Variants in LAMA3 observed in about 807,000 individuals in gnomAD.
LAMA3 encodes the protein laminin subunit alpha 3, also known as laminin subunit alpha-3.
In LAMA3, 281 loss-of-function variants were observed where a neutral mutation model predicts 402.0. The ratio of observed to expected loss-of-function variants is 0.70; its 90% CI spans 0.63 to 0.77. The LOEUF (loss-of-function observed/expected upper bound fraction) is 0.77, where lower values mean the gene tolerates loss of function less well. LAMA3 is among the 30% of genes least tolerant of loss of function. LAMA3 has a pLI of 0.00. For synonymous variants in LAMA3, 1,431 were observed against 1,558.4 expected, an observed-to-expected ratio of 0.92 and a Z score of 1.93; for missense variants, 3,840 against 4,215.5, an observed-to-expected ratio of 0.91 and a Z score of 2.47.
At chr18:23,876,265 A>G (rs759524346) in intron 38 of LAMA3, 29 bp from the exon 39 acceptor site, 2 of 1,420,930 alleles carry the variant, frequency 1.4e-6, no homozygotes, top group Non-Finnish European at 2.0e-6. Context: ...CTTTCTTTGT[A>G]TTGATTAAAC....
At chr18:23,819,585 C>A (rs1391127807) in intron 18 of LAMA3, among the ~76,000 whole-genome samples, 4 of 152,134 alleles carry the variant, frequency 2.6e-5, no homozygotes, top group Admixed American at 2.0e-4. Flanking sequence ...AGGATGCTAC[C>A]ACTATGGCTT....
intron 56 of LAMA3, among the ~76,000 whole-genome samples, chr18:23,913,127 G>T (rs999026303): frequency 2.6e-5 from 4 of 152,206 alleles, no homozygotes; most frequent in Non-Finnish European, 5.9e-5. Context: ...GGCCCAGCAC[G>T]TGGGCATGTG....
chr18:23,863,381 G>T (rs1234826208), intron 35 of LAMA3, among the ~76,000 whole-genome samples: 1 of 152,190 alleles, frequency 6.6e-6, no homozygotes, highest in Admixed American at 6.5e-5. Context: ...GGAGGCGGAG[G>T]TTGCAATGAA....
chr18:23,818,655 C>A (rs776287984), intron 18 of LAMA3, among the ~76,000 whole-genome samples: 12 of 152,164 alleles, frequency 7.9e-5, no homozygotes, highest in Non-Finnish European at 1.8e-4. Context: ...TTAATAAATT[C>A]ATCAAAGTAA....
chr18:23,947,973 G>A (rs1045505363), intron 70 of LAMA3, among the ~76,000 whole-genome samples: 16 of 152,002 alleles, frequency 1.1e-4, no homozygotes, highest in Admixed American at 1.0e-3. Context: ...CACCATGCCT[G>A]GCTAATTTTT....
intron 6 of LAMA3, 22 bp from the exon 7 acceptor site, chr18:23,758,374 T>G: frequency 1.3e-6 from 2 of 1,586,458 alleles, no homozygotes; most frequent in East Asian, 4.5e-5. Flanking sequence ...ATAACTGAGA[T>G]GCACTTCGCC....
rs748222914 is a variant in LAMA3, at chr18:23,909,290, A to G, written c.7153A>G (p.Ser2385Gly). The stretch of plus-strand genomic sequence containing the variant: ...AATTCAGCAGGCCAGAGATGCTGCC[A>G]GTAAGGTGAGTGTGTCCCCACGTGG... ...ELIQQARDAA[S>G]KVAVPMRFNG... The change falls in exon 55 of 75, where the codon AGT becomes GGT. Residue 2385 changes from serine to glycine, a missense_variant. Ser to Gly is a moderately conservative substitution (Grantham distance 56). Coordinates refer to ENST00000313654, the MANE Select transcript of LAMA3 (RefSeq NM_198129.4). 6.2e-7 allele frequency: 1 copy of G among 1,611,658 alleles called. No individual in the cohort carries two copies. Among genetic ancestry groups the G allele is most frequent in the African/African-American group, 1.3e-5 (1 of 75,068 alleles).
chr18:23,875,566 C>T (rs2064682402), intron 38 of LAMA3, among the ~76,000 whole-genome samples: 5 of 152,120 alleles, frequency 3.3e-5, no homozygotes, highest in Admixed American at 3.3e-4. Context: ...CCTGGCTTCT[C>T]TGTTGCCCAT....
intron 9 of LAMA3, among the ~76,000 whole-genome samples, chr18:23,774,437 AAC>A (rs2143881930): frequency 6.6e-6 from 1 of 152,358 alleles, no homozygotes; most frequent in African/African-American, 2.4e-5. Flanking sequence ...GGAGAAACCA[AAC>A]AGTCTGAGTA....
At chr18:23,946,047 A>G in intron 69 of LAMA3, 97 bp from the exon 70 acceptor site, 1 of 1,237,424 alleles carries the variant, frequency 8.1e-7, no homozygotes. Context: ...AGGAGCATGA[A>G]AACATTTTTT....
chr18:23,744,627 C>G (rs561042826), intron 2 of LAMA3, among the ~76,000 whole-genome samples: 1 of 151,892 alleles, frequency 6.6e-6, no homozygotes, highest in Non-Finnish European at 1.5e-5. Context: ...GTCAGGAGAT[C>G]GAGACCATCC....
In LAMA3 at chr18:23,918,901, G is replaced by A. The variant is rs1281558326; in HGVS notation, c.7924-2034G>A. ...GTCTGGACCCTTCAGGAGATTCCAA[G>A]GCTGGACCAGTTCTGATGGTTTGGG... On this transcript the variant is annotated intron_variant, in intron 60 of 74. Transcript: ENST00000313654. The surrounding 1 kb of genome is among the most constrained non-coding windows in gnomAD (Gnocchi z 4.1). Among the ~76,000 whole-genome samples, 2 of 152,158 alleles carry A rather than the reference G, an allele frequency of 1.3e-5. No individual in the cohort carries two copies. Among genetic ancestry groups the A allele is most frequent in the Non-Finnish European group, 2.9e-5 (2 of 68,028 alleles).
intron 2 of LAMA3, among the ~76,000 whole-genome samples, chr18:23,738,964 G>A (rs929297378): frequency 6.6e-6 from 1 of 152,154 alleles, no homozygotes; most frequent in East Asian, 1.9e-4. Context: ...AGATTCATAC[G>A]GTGGAAAGGG....
chr18:23,807,970 T>G lies in LAMA3; in HGVS notation c.1604-2396T>G, dbSNP rs138050092. 1.2e-4 allele frequency among the ~76,000 whole-genome samples: 19 copies of G among 152,222 alleles called. 1 individual carries two copies. The highest frequency in any genetic ancestry group is 2.2e-4 in the Non-Finnish European group (15 of 67,994). On this transcript the variant is annotated intron_variant, in intron 12 of 74. Transcript: ENST00000313654. ...ACTATGGGCCATGAGAGAAGACAGG[T>G]GGAAATGGCAGTAGGAGATCTGAGT...
At chr18:23,816,602 G>C (rs906527228) in intron 18 of LAMA3, 115 bp downstream of exon 18, 8 of 825,218 alleles carry the variant, frequency 9.7e-6, no homozygotes, top group African/African-American at 3.4e-5. Context: ...TCGAGGTCAG[G>C]GGAAGCTGTC....
intron 9 of LAMA3, among the ~76,000 whole-genome samples, chr18:23,773,913 A>G (rs2062257926): frequency 6.6e-6 from 1 of 152,154 alleles, no homozygotes; most frequent in Non-Finnish European, 1.5e-5. Flanking sequence ...ACATGTTTCT[A>G]TGATCTCTAA....
Position 23,933,807 on chromosome 18 carries a change from G to T in LAMA3, c.8734G>T (p.Asp2912Tyr). 1 of 1,614,168 alleles carries T rather than the reference G, an allele frequency of 6.2e-7. No individual in the cohort carries two copies. Among genetic ancestry groups the T allele is most frequent in the Non-Finnish European group, 8.5e-7 (1 of 1,180,004 alleles). The change falls in exon 67 of 75, where the codon GAT becomes TAT. Residue 2912 changes from aspartate (D) to tyrosine (Y), a missense_variant. Around this residue, in one of 3 missense-constraint regions of LAMA3, gnomAD observed 840 missense variants for 981.9 expected, o/e 0.86. Transcript: ENST00000313654. ...QRLSLSPEVL[D>Y]LTSNSLKRDV... ...GTTATCACTGAGTCCTGAAGTCCTA[G>T]ATTTGACCAGTAACTCTCTCAAGAG...
At chr18:23,768,765 A>T (rs1196870916) in intron 8 of LAMA3, among the ~76,000 whole-genome samples, 2 of 152,232 alleles carry the variant, frequency 1.3e-5, no homozygotes, top group Non-Finnish European at 2.9e-5. Context: ...GGATTGGATA[A>T]AGAAAATGTG....
At chr18:23,931,004 T>C (rs1033803726) in intron 64 of LAMA3, 58 bp from the exon 65 acceptor site, 4 of 1,456,320 alleles carry the variant, frequency 2.7e-6, no homozygotes, top group Non-Finnish European at 3.9e-6. Context: ...TCAGTAAAGA[T>C]ACAGGCATAA....
Sources: gnomAD v4.1 joint callset for allele counts (sites outside exome capture counted in the v4.1 genomes callset) on GRCh38, gnomAD v4.1.1 for gene constraint, gnomAD v4.1.1 regional missense constraint, Gnocchi (gnomAD v3.1) non-coding constraint, MANE v1.5 for transcripts, NCBI Gene and HGNC (gene_info 2026-07-23, HGNC 2026-07-21) for gene names.